The following AASDHPPT variants were observed in gnomAD, a reference collection of about 807,000 sequenced individuals.
AASDHPPT encodes the protein aminoadipate-semialdehyde dehydrogenase-phosphopantetheinyl transferase.
In AASDHPPT, 23 loss-of-function variants were observed where a neutral mutation model predicts 36.4. The observed-to-expected ratio is 0.63, with a 90% CI of 0.45 to 0.89. The LOEUF (loss-of-function observed/expected upper bound fraction) is 0.89. AASDHPPT is among the 40% of genes least tolerant of loss of function. AASDHPPT has a pLI of 0.00. For synonymous variants in AASDHPPT, 115 were observed against 128.0 expected (o/e 0.90, Z 0.68); for missense variants, 377 against 378.2 (o/e 1.00, Z 0.03).
At chr11:106,078,748 G>GA (rs1431845757) in intron 1 of AASDHPPT, among the ~76,000 whole-genome samples, 2 of 152,030 alleles carry the variant, frequency 1.3e-5, no homozygotes, top group Non-Finnish European at 2.9e-5. Flanking sequence ...AATTGAAGAA[G>GA]AAAAAAACCT....
intron 2 of AASDHPPT, chr11:106,086,080 G>A (rs980784433): frequency 1.3e-5 from 2 of 152,194 alleles, no homozygotes; most frequent in African/African-American, 4.8e-5. Flanking sequence ...GTGTGCTTAT[G>A]TATAATTTAA....
At chr11:106,078,915 A>G (rs975941673) in intron 1 of AASDHPPT, among the ~76,000 whole-genome samples, 1 of 152,178 alleles carries the variant, frequency 6.6e-6, no homozygotes. Context: ...GGTGATCAAT[A>G]TATGGGATCT....
chr11:106,091,679 A>G, intron 4 of AASDHPPT: 1 of 470,598 alleles, frequency 2.1e-6, no homozygotes, highest in Non-Finnish European at 3.6e-6. Context: ...AGTCATTGTG[A>G]GTTCAGTACG....
At position 106,096,874 on chromosome 11, in the gene AASDHPPT, A is replaced by G. The variant is rs1451695557; in HGVS notation, c.897A>G (p.Glu299=). The change falls in exon 6 of 6, where the codon GAA becomes GAG. Residue 299 remains glutamate, a synonymous_variant. Coordinates refer to ENST00000278618, the MANE Select transcript of AASDHPPT (RefSeq NM_015423.3). ...PSFWDCFCFT[E]EIPIRNGTKS is the part of the protein sequence containing the mutation. ...TTTGGGACTGTTTTTGCTTCACAGA[A>G]GAAATTCCAATACGAAATGGTACAA... The G allele has an allele frequency of 6.2e-7, 1 of 1,610,328 alleles. No individual in the cohort carries two copies. Among genetic ancestry groups the G allele is most frequent in the Admixed American group, 1.7e-5 (1 of 59,112 alleles).
rs764020282 is a variant in AASDHPPT at position 106,079,600 on chromosome 11, A to G, written c.317A>G (p.Asn106Ser). The G allele has an allele frequency of 5.6e-6, 9 of 1,614,110 alleles. No individual in the cohort carries two copies. The highest frequency in any genetic ancestry group is 1.7e-5 in the Admixed American group (1 of 60,018). ...KDSSNPYPNF[N>S]FNISHQGDYA... is the part of the protein sequence containing the mutation. ...TCATCGAATCCTTACCCGAATTTCA[A>G]CTTTAACATCTCTCATCAAGGAGAC... The change falls in exon 2 of 6, where the codon AAC (asparagine) becomes AGC (serine). Residue 106 changes from asparagine to serine, a missense_variant. Physicochemically the swap from Asn to Ser is conservative, Grantham distance 46. Transcript: ENST00000278618.
rs1170941291 is a variant in AASDHPPT at position 106,097,795 on chromosome 11, A to G, written c.*888A>G. 1 of 152,158 alleles carries G rather than the reference A, an allele frequency of 6.6e-6. No homozygotes were observed. Among genetic ancestry groups the G allele is most frequent in the Non-Finnish European group, 1.5e-5 (1 of 67,994 alleles). 9.4% of individuals were successfully genotyped at this position (152,158 alleles called of 1,614,324 possible). ...TCTGACATTTTTGGTCTCTGTTAGAAGTAGACTCTGTTGAAAAGAAAGAAG... is the reference window on the plus strand; with the variant it reads ...TCTGACATTTTTGGTCTCTGTTAGAGGTAGACTCTGTTGAAAAGAAAGAAG... On this transcript the variant is annotated 3_prime_UTR_variant, in exon 6 of 6. Transcript: ENST00000278618.
intron 2 of AASDHPPT, among the ~76,000 whole-genome samples, chr11:106,089,164 TAGAG>T (rs1309012732): frequency 6.6e-6 from 1 of 152,054 alleles, no homozygotes; most frequent in Non-Finnish European, 1.5e-5. Context: ...TGAATTCTCA[TAGAG>T]AGAATTAGTG....
chr11:106,090,560 G>A lies in AASDHPPT; in HGVS notation c.413G>A (p.Arg138His), dbSNP rs751784261. The change falls in exon 3 of 6, where the codon CGT becomes CAT. Residue 138 changes from arginine to histidine, a missense_variant. Transcript: ENST00000278618. ...IDIMKTSFPGRGSIPEFFHIM... is the reference protein window; with the variant it reads ...IDIMKTSFPGHGSIPEFFHIM... ...TTTTTTATTTCTTAATTGGCAGGTC[G>A]TGGTTCAATTCCAGAATTCTTTCAT... 29 of 1,574,484 alleles carry A rather than the reference G, an allele frequency of 1.8e-5. No homozygotes were observed. The highest frequency in any genetic ancestry group is 1.1e-4 in the East Asian group (5 of 44,050).
Position 106,096,996 on chromosome 11 carries a change from A to G in AASDHPPT, c.*89A>G. The G allele has an allele frequency of 7.6e-7, 1 of 1,323,056 alleles. No individual in the cohort carries two copies. Among genetic ancestry groups the G allele is most frequent in the Non-Finnish European group, 1.0e-6 (1 of 997,984 alleles). 82.0% of individuals were successfully genotyped at this position (1,323,056 alleles called of 1,614,324 possible). A position where few individuals can be genotyped will look rare whatever the true frequency, so the allele number is the denominator to read the frequency against. Reference sequence around the variant, plus strand: ...AAATGCTTGTTTAGTATCAAATTTTATTTCACGAAAGTTTTTTTAAAGAAC... The same window carrying G: ...AAATGCTTGTTTAGTATCAAATTTTGTTTCACGAAAGTTTTTTTAAAGAAC... On this transcript the variant is annotated 3_prime_UTR_variant, in exon 6 of 6. Coordinates refer to ENST00000278618, the MANE Select transcript of AASDHPPT (RefSeq NM_015423.3).
At position 106,080,193 on chromosome 11, in the gene AASDHPPT, G is replaced by A. The variant is rs116201387; in HGVS notation, c.409+501G>A. On this transcript the variant is annotated intron_variant, in intron 2 of 5. Coordinates refer to ENST00000278618, the MANE Select transcript of AASDHPPT (RefSeq NM_015423.3). Reference sequence around the variant, plus strand: ...AGATTCTGCATCCACAATCAAACGTGTATCAAGATTCAGTATTTGCAGGAT... The same window carrying A: ...AGATTCTGCATCCACAATCAAACGTATATCAAGATTCAGTATTTGCAGGAT... Among the ~76,000 whole-genome samples, 174 of 152,170 alleles carry A rather than the reference G, an allele frequency of 1.1e-3. 2 individuals carry two copies. Among genetic ancestry groups the A allele is most frequent in the African/African-American group, 3.9e-3 (163 of 41,502 alleles).
chr11:106,089,908 G>A (rs536576600), intron 2 of AASDHPPT, among the ~76,000 whole-genome samples: 2 of 151,912 alleles, frequency 1.3e-5, no homozygotes, highest in Non-Finnish European at 2.9e-5. Flanking sequence ...AGCTTATTTT[G>A]CAACTGCAAC....
chr11:106,082,384 A>T (rs908400419), intron 2 of AASDHPPT, among the ~76,000 whole-genome samples: 2 of 152,220 alleles, frequency 1.3e-5, no homozygotes, highest in African/African-American at 4.8e-5. Context: ...AGATTGAGCA[A>T]GGGATTTTTC....
At chr11:106,081,871 G>C (rs557064168) in intron 2 of AASDHPPT, among the ~76,000 whole-genome samples, 5 of 152,048 alleles carry the variant, frequency 3.3e-5, no homozygotes, top group Non-Finnish European at 5.9e-5. Flanking sequence ...GTGGGGGAAG[G>C]GGGGAGGGAT....
intron 5 of AASDHPPT, chr11:106,095,857 A>C (rs1861306892): frequency 6.6e-6 from 1 of 152,194 alleles, no homozygotes; most frequent in Non-Finnish European, 1.5e-5. Context: ...ACTCCCTGCA[A>C]AAATACCTTT....
chr11:106,077,694 A>G lies in AASDHPPT; in HGVS notation c.-17A>G. The G allele has an allele frequency of 1.9e-6, 3 of 1,605,202 alleles. No homozygotes were observed. Among genetic ancestry groups the G allele is most frequent in the Non-Finnish European group, 2.6e-6 (3 of 1,173,216 alleles). ...CGCCATCAGGCCCGAGATAGCGGCG[A>G]GGTCCGCTTTCAGTGTATGGTTTTC... On this transcript the variant is annotated 5_prime_UTR_variant, in exon 1 of 6. Transcript: ENST00000278618.
rs189738400 is a variant in AASDHPPT at position 106,097,221 on chromosome 11, A to C, written c.*314A>C. The C allele has an allele frequency of 7.7e-5, 16 of 208,064 alleles. No individual in the cohort carries two copies. The Admixed American group carries it at 9.1e-4, about 12-fold the overall frequency. The allele number at this position is 208,064 out of a possible 1,614,324, so 12.9% of individuals were successfully genotyped here. A position where few individuals can be genotyped will look rare whatever the true frequency, so the allele number is the denominator to read the frequency against. On this transcript the variant is annotated 3_prime_UTR_variant, in exon 6 of 6. Transcript: ENST00000278618. The stretch of plus-strand genomic sequence containing the variant: ...GAAACATTTAAATGCTATCTTTCAA[A>C]GATAACTACTCTTAAAACCTTGAGT...
chr11:106,084,999 A>G (rs1861183170), intron 2 of AASDHPPT, among the ~76,000 whole-genome samples: 1 of 152,260 alleles, frequency 6.6e-6, no homozygotes, highest in Admixed American at 6.5e-5. Flanking sequence ...TTACAGAACT[A>G]ACAAAAAGAA....
intron 1 of AASDHPPT, among the ~76,000 whole-genome samples, chr11:106,078,398 A>G (rs1333128166): frequency 6.6e-6 from 1 of 152,194 alleles, no homozygotes; most frequent in Non-Finnish European, 1.5e-5. Context: ...AGCCAATGAA[A>G]TTGAAGCCAG....
At chr11:106,085,711 A>T (rs1861190883) in intron 2 of AASDHPPT, among the ~76,000 whole-genome samples, 2 of 152,380 alleles carry the variant, frequency 1.3e-5, no homozygotes, top group South Asian at 4.1e-4. Context: ...TTTGACAACA[A>T]CCTCAGAGCT....
Sources: gnomAD v4.1 joint callset for allele counts (sites outside exome capture counted in the v4.1 genomes callset) on GRCh38, gnomAD v4.1.1 for gene constraint, MANE v1.5 for transcripts, NCBI Gene and HGNC (gene_info 2026-07-23, HGNC 2026-07-21) for gene names.